The following NAT1 variants were observed in gnomAD, a reference collection of about 807,000 sequenced individuals.
The protein encoded by NAT1 is arylamine N-acetyltransferase 1.
For synonymous variants in NAT1, 144 were observed against 122.6 expected, an observed-to-expected ratio of 1.17 and a Z score of -1.16; for missense variants, 400 against 339.2, an observed-to-expected ratio of 1.18 and a Z score of -1.41.
At chr8:18,173,544 A>C (rs949060995) in intron 2 of NAT1, among the ~76,000 whole-genome samples, 4 of 152,332 alleles carry the variant, frequency 2.6e-5, no homozygotes, top group African/African-American at 9.6e-5. Context: ...TGGCAATTGC[A>C]GATGGCCAAC....
At chr8:18,205,439 C>T (rs1329813363), upstream of NAT1, among the ~76,000 whole-genome samples, 1 of 152,102 alleles carries the variant, frequency 6.6e-6, no homozygotes, top group African/African-American at 2.4e-5. Flanking sequence ...GGTGAGGATC[C>T]ACTGTTCTCT....
In NAT1 at chr8:18,177,536, C is replaced by G. The variant is rs956949857; in HGVS notation, n.92+6797C>G. ...GTGTCACTGTCATTACCCATAAATA[C>G]TACTAGGTATTACATGAAATTCCAT... On this transcript the variant is annotated intron_variant and non_coding_transcript_variant, in intron 2 of 4. Coordinates refer to the NAT1 transcript ENST00000517441. 3.9e-5 allele frequency among the ~76,000 whole-genome samples: 6 copies of G among 152,070 alleles called. No individual in the cohort carries two copies. In the East Asian group the frequency reaches 1.2e-3, roughly 29 times the overall value.
chr8:18,184,261 C>A (rs565548321), intron 2 of NAT1, among the ~76,000 whole-genome samples: 31 of 152,270 alleles, frequency 2.0e-4, no homozygotes, highest in African/African-American at 7.2e-4. Context: ...TTACAATCTG[C>A]CTTCTGGAAG....
chr8:18,199,212 G>A (rs1315113617), intron 2 of NAT1, among the ~76,000 whole-genome samples: 2 of 151,444 alleles, frequency 1.3e-5, no homozygotes, highest in Non-Finnish European at 2.9e-5. Context: ...TACTTGGGAG[G>A]CTGAGACAGG....
intron 2 of NAT1, among the ~76,000 whole-genome samples, chr8:18,203,390 T>C (rs1192685618): frequency 2.0e-5 from 3 of 152,236 alleles, no homozygotes; most frequent in Admixed American, 1.3e-4. Context: ...CAGAGTTAAA[T>C]ATAACTGAGG....
intron 2 of NAT1, among the ~76,000 whole-genome samples, chr8:18,182,864 T>C (rs1016352025): frequency 6.6e-6 from 1 of 152,196 alleles, no homozygotes; most frequent in Admixed American, 6.5e-5. Context: ...CTATCTAATC[T>C]TCATTTATTT....
chr8:18,185,159 C>T (rs1224693717), intron 2 of NAT1, among the ~76,000 whole-genome samples: 1 of 152,088 alleles, frequency 6.6e-6, no homozygotes, highest in African/African-American at 2.4e-5. Context: ...TGTGTACCGA[C>T]ATTAGATTAA....
chr8:18,211,767 G>A (rs1199662253), intron 1 of NAT1, among the ~76,000 whole-genome samples: 1 of 151,878 alleles, frequency 6.6e-6, no homozygotes, highest in Non-Finnish European at 1.5e-5. Context: ...GGGATTCCAT[G>A]CCCTTCTTTC....
intron 1 of NAT1, among the ~76,000 whole-genome samples, chr8:18,216,662 T>C (rs893727500): frequency 6.6e-6 from 1 of 151,830 alleles, no homozygotes; most frequent in Non-Finnish European, 1.5e-5. Flanking sequence ...TCATGAGGGG[T>C]CTTGTTGGAA....
At chr8:18,196,922 A>G (rs1318098356) in intron 2 of NAT1, among the ~76,000 whole-genome samples, 4 of 152,214 alleles carry the variant, frequency 2.6e-5, no homozygotes, top group Admixed American at 6.5e-5. Flanking sequence ...TCACACTGCT[A>G]TAAAGAGTAT....
intron 2 of NAT1, among the ~76,000 whole-genome samples, chr8:18,201,512 G>T (rs1803462009): frequency 6.6e-6 from 1 of 151,760 alleles, no homozygotes. Context: ...TATTAACTGA[G>T]TATTCAAGAC....
intron 2 of NAT1, among the ~76,000 whole-genome samples, chr8:18,184,295 G>A (rs933948336): frequency 6.6e-6 from 1 of 152,180 alleles, no homozygotes; most frequent in Non-Finnish European, 1.5e-5. Context: ...AAGGAGAGTT[G>A]CATTAGAATG....
chr8:18,173,002 A>T (rs1408892019), intron 2 of NAT1, among the ~76,000 whole-genome samples: 3 of 152,122 alleles, frequency 2.0e-5, no homozygotes, highest in Non-Finnish European at 2.9e-5. Context: ...GTCCGTTCTC[A>T]TGGGGAGCCC....
At chr8:18,221,498 G>A (rs1349145802) in intron 2 of NAT1, among the ~76,000 whole-genome samples, 1 of 152,160 alleles carries the variant, frequency 6.6e-6, no homozygotes, top group East Asian at 1.9e-4. Context: ...ATTTTTGAGA[G>A]TAAGCAAGCA....
At chr8:18,188,952 C>T (rs550034646) in intron 2 of NAT1, among the ~76,000 whole-genome samples, 4 of 134,018 alleles carry the variant, frequency 3.0e-5, no homozygotes, top group Admixed American at 8.8e-5. Flanking sequence ...CCCAGATTGT[C>T]CCACTGCACT....
At chr8:18,189,951 G>A (rs537128917) in intron 2 of NAT1, among the ~76,000 whole-genome samples, 3 of 151,984 alleles carry the variant, frequency 2.0e-5, no homozygotes, top group African/African-American at 4.8e-5. Context: ...CACCACACCT[G>A]GCTAATTTTT....
rs558067658 is a variant in NAT1 at position 18,196,229 on chromosome 8, C to T, written n.93-13552C>T. On this transcript the variant is annotated intron_variant and non_coding_transcript_variant, in intron 2 of 4. Coordinates refer to the NAT1 transcript ENST00000517441. The stretch of plus-strand genomic sequence containing the variant: ...ACCTCCAAAGTGCTAGGATTGCAGG[C>T]GTGAGCCACCACACCCAGCCAACTT... Among the ~76,000 whole-genome samples, 10 of 151,990 alleles carry T rather than the reference C, an allele frequency of 6.6e-5. No homozygotes were observed. In the East Asian group the frequency reaches 1.9e-3, roughly 29 times the overall value.
chr8:18,196,041 A>G (rs765333854), intron 2 of NAT1, among the ~76,000 whole-genome samples: 6 of 152,214 alleles, frequency 3.9e-5, no homozygotes, highest in Non-Finnish European at 7.3e-5. Context: ...TCCAAGGATT[A>G]ATTTACAGAA....
chr8:18,208,057 C>T (rs1803801348), upstream of NAT1, among the ~76,000 whole-genome samples: 1 of 149,768 alleles, frequency 6.7e-6, no homozygotes. Context: ...TAAGTGTGAG[C>T]TGAACAATGA....
Sources: allele counts gnomAD v4.1 joint callset (sites outside exome capture counted in the v4.1 genomes callset), GRCh38; gene constraint gnomAD v4.1.1; transcripts MANE v1.5; gene names NCBI Gene and HGNC (gene_info 2026-07-23, HGNC 2026-07-21).